The following PALLD variants were observed in gnomAD, a reference collection of about 807,000 sequenced individuals.
PALLD encodes the protein palladin.
In PALLD, 61 loss-of-function variants were observed where a neutral mutation model predicts 123.5. The observed-to-expected ratio is 0.49, with a 90% confidence interval of 0.40 to 0.61. PALLD has a LOEUF of 0.61. PALLD is among the 20% of genes least tolerant of loss of function. The pLI is 0.00. For missense variants in PALLD, 1,273 were observed against 1,377.0 expected, an observed-to-expected ratio of 0.92 and a Z score of 1.20; for synonymous variants, 465 against 496.4, an observed-to-expected ratio of 0.94 and a Z score of 0.84.
intron 10 of PALLD, among the ~76,000 whole-genome samples, chr4:168,793,084 T>A (rs1737771037): frequency 6.6e-6 from 1 of 151,256 alleles, no homozygotes; most frequent in African/African-American, 2.4e-5. Context: ...TACATGTATG[T>A]AATTTACAAG....
At chr4:168,592,168 C>A (rs954711786) in intron 2 of PALLD, among the ~76,000 whole-genome samples, 1 of 151,966 alleles carries the variant, frequency 6.6e-6, no homozygotes, top group Admixed American at 6.6e-5. Context: ...AGGTGCGCAC[C>A]ACCACGCACC....
At chr4:168,561,186 C>A (rs1251959256) in intron 2 of PALLD, among the ~76,000 whole-genome samples, 1 of 152,142 alleles carries the variant, frequency 6.6e-6, no homozygotes, top group African/African-American at 2.4e-5. Flanking sequence ...ACCAAGACCC[C>A]TTCCTTTCCC....
intron 4 of PALLD, 97 bp from the exon 5 acceptor site, chr4:168,682,901 T>A: frequency 1.4e-6 from 1 of 720,280 alleles, no homozygotes; most frequent in Non-Finnish European, 2.4e-6. Context: ...AGCTTTTCTG[T>A]TGAAACGTTT....
chr4:168,529,171 C>T (rs996632132), intron 2 of PALLD, among the ~76,000 whole-genome samples: 1 of 152,080 alleles, frequency 6.6e-6, no homozygotes, highest in Non-Finnish European at 1.5e-5. Flanking sequence ...TTCATCTCTA[C>T]TAAAAATACA....
chr4:168,853,671 G>A (rs1442335525), intron 10 of PALLD, among the ~76,000 whole-genome samples: 1 of 152,152 alleles, frequency 6.6e-6, no homozygotes, highest in African/African-American at 2.4e-5. Context: ...GAGAATGGGG[G>A]TGGGAGGGAG....
intron 1 of PALLD, among the ~76,000 whole-genome samples, chr4:168,505,791 C>T (rs552357952): frequency 2.0e-4 from 31 of 152,216 alleles, no homozygotes; most frequent in Non-Finnish European, 2.9e-4. Flanking sequence ...TATCAATCAT[C>T]GTGATCATTA....
chr4:168,631,622 C>T (rs1196105685), intron 2 of PALLD: 4 of 985,460 alleles, frequency 4.1e-6, no homozygotes, highest in Non-Finnish European at 4.8e-6. Flanking sequence ...GGCGCATTCG[C>T]GCGCTGGAGA....
At chr4:168,855,114 C>T (rs553463177) in intron 10 of PALLD, among the ~76,000 whole-genome samples, 6 of 85,048 alleles carry the variant, frequency 7.1e-5, no homozygotes, top group Admixed American at 5.1e-4. Flanking sequence ...TTTTTTGAGA[C>T]GGAGTCTCAC....
Position 168,921,533 on chromosome 4 carries a change from G to C in PALLD, c.2851-1G>C. On this transcript the variant is annotated splice_acceptor_variant, in intron 17 of 21. Transcript: ENST00000505667. LOFTEE classifies it high-confidence loss of function. ...TTACATGTATTTCTTTTATGATTTAGGTCAGTGGGTTACCAACCCCAGATC... is the reference window on the plus strand; with the variant it reads ...TTACATGTATTTCTTTTATGATTTACGTCAGTGGGTTACCAACCCCAGATC... 1 of 1,589,996 alleles carries C rather than the reference G, an allele frequency of 6.3e-7. No homozygotes were observed. Among genetic ancestry groups the C allele is most frequent in the East Asian group, 2.3e-5 (1 of 44,166 alleles).
chr4:168,906,323 G>A (rs747678658), intron 15 of PALLD, among the ~76,000 whole-genome samples: 8 of 152,220 alleles, frequency 5.3e-5, no homozygotes, highest in African/African-American at 1.7e-4. Context: ...TTGTGAGTCC[G>A]CTTAGTGTCT....
At chr4:168,725,410 G>A (rs918023839) in intron 10 of PALLD, among the ~76,000 whole-genome samples, 4 of 151,726 alleles carry the variant, frequency 2.6e-5, no homozygotes, top group African/African-American at 9.7e-5. Flanking sequence ...ATCTGGTTTC[G>A]GGGATGTATC....
chr4:168,555,610 A>G (rs1767199934), intron 2 of PALLD, among the ~76,000 whole-genome samples: 1 of 152,234 alleles, frequency 6.6e-6, no homozygotes, highest in Admixed American at 6.5e-5. Context: ...CAGATCAATC[A>G]TCTCTTTCTC....
intron 10 of PALLD, among the ~76,000 whole-genome samples, chr4:168,806,103 C>T (rs1392032684): frequency 6.6e-6 from 1 of 152,188 alleles, no homozygotes; most frequent in Admixed American, 6.5e-5. Flanking sequence ...CACTCTGTCA[C>T]CCAGGCTGGA....
chr4:168,517,167 T>C (rs1472686275), intron 2 of PALLD, among the ~76,000 whole-genome samples: 3 of 152,162 alleles, frequency 2.0e-5, no homozygotes, highest in Non-Finnish European at 4.4e-5. Context: ...TTACTACAAA[T>C]AAAGTTATTA....
At chr4:168,798,029 C>A (rs1489115398) in intron 10 of PALLD, among the ~76,000 whole-genome samples, 1 of 152,162 alleles carries the variant, frequency 6.6e-6, no homozygotes, top group African/African-American at 2.4e-5. Context: ...TGCACACAAA[C>A]AAGCCCCACC....
intron 2 of PALLD, among the ~76,000 whole-genome samples, chr4:168,636,208 G>T (rs1289110605): frequency 2.0e-5 from 3 of 152,076 alleles, no homozygotes; most frequent in African/African-American, 7.2e-5. Flanking sequence ...GCCAGACACG[G>T]TGGCTCATAA....
intron 10 of PALLD, among the ~76,000 whole-genome samples, chr4:168,848,259 C>CT (rs1747203441): frequency 6.6e-6 from 1 of 151,522 alleles, no homozygotes; most frequent in African/African-American, 2.4e-5. Context: ...GAGCCAGCCA[C>CT]TTTGTTTTGT....
intron 17 of PALLD, 26 bp downstream of exon 17, chr4:168,916,053 T>A (rs1326063298): frequency 6.2e-7 from 1 of 1,605,736 alleles, no homozygotes; most frequent in Admixed American, 1.7e-5. Flanking sequence ...TGCTTGCATA[T>A]CCTATTGCCC....
intron 10 of PALLD, among the ~76,000 whole-genome samples, chr4:168,786,204 T>C (rs1282132321): frequency 6.6e-6 from 1 of 151,704 alleles, no homozygotes; most frequent in East Asian, 1.9e-4. Flanking sequence ...GGTGTGTGCC[T>C]GTAGTCCCAG....
Sources: allele counts gnomAD v4.1 joint callset (sites outside exome capture counted in the v4.1 genomes callset), GRCh38; gene constraint gnomAD v4.1.1; transcripts MANE v1.5; gene names NCBI Gene and HGNC (gene_info 2026-07-23, HGNC 2026-07-21).